The following ARSG variants were observed in gnomAD, a reference collection of about 807,000 sequenced individuals.
ARSG encodes the protein ASG.
Under a neutral mutation model 50.5 loss-of-function variants are expected in ARSG, and 37 were observed. The observed-to-expected ratio is 0.73, with a 90% CI of 0.56 to 0.96. ARSG has a LOEUF of 0.96. Ranked by LOEUF, ARSG falls within the 50% of genes least tolerant of loss-of-function variation. The pLI, the probability that ARSG is intolerant of heterozygous loss-of-function variation, is 0.00. For missense variants in ARSG, 629 were observed against 675.3 expected, an observed-to-expected ratio of 0.93 and a Z score of 0.76; for synonymous variants, 225 against 254.6, an observed-to-expected ratio of 0.88 and a Z score of 1.11.
chr17:68,369,976 G>T (rs2079745236), intron 7 of ARSG, among the ~76,000 whole-genome samples: 1 of 152,104 alleles, frequency 6.6e-6, no homozygotes, highest in Admixed American at 6.6e-5. Context: ...ATCAAGGGTT[G>T]TTCTTCACGG....
At chr17:68,342,879 A>G (rs1021571110) in intron 2 of ARSG, among the ~76,000 whole-genome samples, 34 of 152,340 alleles carry the variant, frequency 2.2e-4, no homozygotes, top group African/African-American at 8.2e-4. Context: ...CACCTCCTTC[A>G]GCCTCCACTG....
chr17:68,365,639 C>T (rs2079511409), intron 6 of ARSG, among the ~76,000 whole-genome samples: 1 of 152,130 alleles, frequency 6.6e-6, no homozygotes, highest in Non-Finnish European at 1.5e-5. Flanking sequence ...ACAGCAGGAC[C>T]ACCCCTCGCC....
downstream of ARSG, chr17:68,420,925 TTC>T (rs569158618): frequency 1.6e-3 from 260 of 162,158 alleles, 2 homozygotes; most frequent in African/African-American, 5.8e-3. Context: ...AGGGCAGAGC[TTC>T]TCTCTCTTTT....
At chr17:68,363,828 C>T (rs930926951) in intron 6 of ARSG, among the ~76,000 whole-genome samples, 2 of 152,144 alleles carry the variant, frequency 1.3e-5, no homozygotes, top group African/African-American at 2.4e-5. Flanking sequence ...AGAAGGTTGT[C>T]TGTGATGCCA....
chr17:68,325,275 G>A (rs2077459388), intron 2 of ARSG, among the ~76,000 whole-genome samples: 1 of 151,976 alleles, frequency 6.6e-6, no homozygotes, highest in African/African-American at 2.4e-5. Context: ...TAGGTTGCAT[G>A]TTCCTTATAA....
intron 5 of ARSG, among the ~76,000 whole-genome samples, chr17:68,354,401 A>G (rs1177144506): frequency 6.6e-6 from 1 of 150,740 alleles, no homozygotes; most frequent in Non-Finnish European, 1.5e-5. Context: ...TGACAGAGCC[A>G]GATCCTGTCT....
chr17:68,375,611 G>A (rs762440613), intron 8 of ARSG, among the ~76,000 whole-genome samples: 10 of 152,092 alleles, frequency 6.6e-5, no homozygotes, highest in Non-Finnish European at 1.5e-4. Context: ...ACACTTCCAG[G>A]GCTCAGTAGC....
chr17:68,426,894 C>T (rs746213179), downstream of ARSG, among the ~76,000 whole-genome samples: 5 of 152,178 alleles, frequency 3.3e-5, no homozygotes, highest in Non-Finnish European at 5.9e-5. Flanking sequence ...AAGACCGTAT[C>T]GTGTGATGCC....
At chr17:68,293,514 TA>T (rs1555757090) in intron 1 of ARSG, among the ~76,000 whole-genome samples, 4 of 151,862 alleles carry the variant, frequency 2.6e-5, no homozygotes, top group African/African-American at 9.7e-5. Flanking sequence ...ATAATAATAA[TA>T]ATAGATTTTT....
intron 1 of ARSG, among the ~76,000 whole-genome samples, chr17:68,300,169 C>A (rs1252551764): frequency 6.6e-6 from 1 of 152,142 alleles, no homozygotes; most frequent in Non-Finnish European, 1.5e-5. Flanking sequence ...TGGCCTCTAA[C>A]CCCTGGCCGC....
intron 1 of ARSG, among the ~76,000 whole-genome samples, chr17:68,281,720 T>C (rs573834570): frequency 6.6e-6 from 1 of 152,188 alleles, no homozygotes; most frequent in Admixed American, 6.5e-5. Flanking sequence ...TGAGGTATCA[T>C]CTTACCTCAT....
intron 2 of ARSG, among the ~76,000 whole-genome samples, chr17:68,327,730 G>T (rs1369945210): frequency 1.3e-5 from 2 of 152,096 alleles, no homozygotes; most frequent in African/African-American, 2.4e-5. Flanking sequence ...CTTTTGGGGG[G>T]ACGCAGCCCA....
chr17:68,374,112 G>A (rs956102700), intron 8 of ARSG, among the ~76,000 whole-genome samples: 2 of 142,948 alleles, frequency 1.4e-5, no homozygotes, highest in South Asian at 2.2e-4. Flanking sequence ...AGCTGAGATC[G>A]CACCACTGGA....
the ARSG span, among the ~76,000 whole-genome samples, chr17:68,430,927 G>A: frequency 6.6e-6 from 1 of 152,150 alleles, no homozygotes; most frequent in Non-Finnish European, 1.5e-5. Context: ...CAGAGCTCTG[G>A]GAGGTATTCT....
chr17:68,329,151 G>C (rs1392761368), intron 2 of ARSG, among the ~76,000 whole-genome samples: 1 of 152,240 alleles, frequency 6.6e-6, no homozygotes, highest in Non-Finnish European at 1.5e-5. Flanking sequence ...CTGACCAAGA[G>C]GGGCCAGCCA....
At chr17:68,344,706 G>A (rs527661617) in intron 3 of ARSG, among the ~76,000 whole-genome samples, 1 of 152,240 alleles carries the variant, frequency 6.6e-6, no homozygotes, top group African/African-American at 2.4e-5. Context: ...ATTCCCAGAA[G>A]TATCCTCAGC....
chr17:68,287,652 G>A (rs1369853720), upstream of ARSG, among the ~76,000 whole-genome samples: 1 of 152,058 alleles, frequency 6.6e-6, no homozygotes. Context: ...TCTCCATCAA[G>A]GAAAGATGAC....
chr17:68,271,204 C>T lies in ARSG; in HGVS notation c.-552+11778C>T. 6.2e-7 allele frequency: 1 copy of T among 1,613,990 alleles called. No individual in the cohort carries two copies. The highest frequency in any genetic ancestry group is 8.5e-7 in the Non-Finnish European group (1 of 1,180,024). On this transcript the variant is annotated intron_variant, in intron 1 of 11. Coordinates refer to the ARSG transcript ENST00000448504. The surrounding 1 kb of genome is among the most constrained non-coding windows in gnomAD (Gnocchi z 5.3). ...GTCCTGGTCAATGCCCAGACTAATG[C>T]CCAGAGGAATGATGTACAAGGAAGG...
chr17:68,352,119 G>GGGGA (rs2078808327), intron 5 of ARSG, among the ~76,000 whole-genome samples: 1 of 73,004 alleles, frequency 1.4e-5, no homozygotes, highest in Non-Finnish European at 3.1e-5. Context: ...GAGAGACAGA[G>GGGGA]GAGAGAGAGA....
Sources: allele counts gnomAD v4.1 joint callset (sites outside exome capture counted in the v4.1 genomes callset), GRCh38; gene constraint gnomAD v4.1.1; non-coding constraint Gnocchi (gnomAD v3.1); transcripts MANE v1.5; gene names NCBI Gene and HGNC (gene_info 2026-07-23, HGNC 2026-07-21).